Variants in EGFR observed in about 807,000 individuals in gnomAD.
EGFR encodes epidermal growth factor receptor.
A neutral mutation model predicts 143.0 loss-of-function variants in EGFR; 58 were observed. The ratio of observed to expected loss-of-function variants is 0.41; its 90% confidence interval spans 0.33 to 0.50. The LOEUF is 0.50. Among genes scored for constraint, EGFR ranks in the 20% least tolerant of loss-of-function variants. EGFR has a pLI of 0.39. For synonymous variants in EGFR, 613 were observed against 594.4 expected (o/e 1.03, Z -0.45); for missense variants, 1,307 against 1,579.0 (o/e 0.83, Z 2.92).
rs780967013 is a variant in EGFR, at chr7:55,205,393, G to A, written c.3409G>A (p.Glu1137Lys). 5.6e-6 allele frequency: 9 copies of A among 1,614,038 alleles called. No individual in the cohort carries two copies. The highest frequency in any genetic ancestry group is 1.1e-5 in the South Asian group (1 of 91,054). Reference sequence around the variant, plus strand: ...CCACAGCACTGCAGTGGGCAACCCCGAGTATCTCAACACTGTCCAGCCCAC... The same window carrying A: ...CCACAGCACTGCAGTGGGCAACCCCAAGTATCTCAACACTGTCCAGCCCAC... ...DPHSTAVGNP[E>K]YLNTVQPTCV... Residue 1137 changes from glutamate to lysine, a missense_variant, in exon 28 of 28, where the codon GAG (glutamate) becomes AAG (lysine). This residue lies in a region of EGFR where 313 missense variants were observed against 312.3 expected (regional missense o/e 1.00). Coordinates refer to ENST00000275493, the MANE Select transcript of EGFR (RefSeq NM_005228.5).
At chr7:55,196,001 T>C (rs1337155719) in intron 22 of EGFR, among the ~76,000 whole-genome samples, 1 of 152,168 alleles carries the variant, frequency 6.6e-6, no homozygotes. Context: ...TATGTCTTTA[T>C]GGTAGAATGA....
At chr7:55,163,103 T>G (rs969063152) in intron 13 of EGFR, among the ~76,000 whole-genome samples, 3 of 152,210 alleles carry the variant, frequency 2.0e-5, no homozygotes, top group Admixed American at 2.0e-4. Flanking sequence ...AGGCACACAC[T>G]TTGGAGAATA....
intron 4 of EGFR, 68 bp from the exon 5 acceptor site, chr7:55,151,226 C>A: frequency 1.3e-6 from 2 of 1,492,244 alleles, no homozygotes; most frequent in Non-Finnish European, 1.9e-6. Flanking sequence ...TAACTCAGGC[C>A]CGGGAAAGGG....
chr7:55,043,565 T>C (rs1788021309), intron 1 of EGFR, among the ~76,000 whole-genome samples: 2 of 152,308 alleles, frequency 1.3e-5, no homozygotes, highest in South Asian at 4.1e-4. Context: ...TTTTGCCATG[T>C]TGGCTAGGTT....
intron 1 of EGFR, among the ~76,000 whole-genome samples, chr7:55,125,707 A>C (rs1793483938): frequency 6.6e-6 from 1 of 152,238 alleles, no homozygotes; most frequent in Non-Finnish European, 1.5e-5. Flanking sequence ...CGTCACAGCC[A>C]GGATGAGGCA....
chr7:55,045,706 T>A (rs1788145124), intron 1 of EGFR, among the ~76,000 whole-genome samples: 1 of 152,220 alleles, frequency 6.6e-6, no homozygotes, highest in Non-Finnish European at 1.5e-5. Context: ...AAAGGTAATG[T>A]GTGAAAAGTG....
chr7:55,068,957 G>T (rs1297468283), intron 1 of EGFR, among the ~76,000 whole-genome samples: 1 of 152,158 alleles, frequency 6.6e-6, no homozygotes, highest in East Asian at 1.9e-4. Flanking sequence ...GGAGTAGGAG[G>T]TCTTGCTTTA....
intron 1 of EGFR, among the ~76,000 whole-genome samples, chr7:55,113,022 A>G (rs1023746418): frequency 6.6e-6 from 1 of 152,132 alleles, no homozygotes; most frequent in Non-Finnish European, 1.5e-5. Flanking sequence ...CCCTCCACAC[A>G]AGGACACTTT....
intron 22 of EGFR, among the ~76,000 whole-genome samples, chr7:55,197,611 C>A (rs1292376477): frequency 1.3e-5 from 2 of 152,152 alleles, no homozygotes; most frequent in Non-Finnish European, 2.9e-5. Context: ...ATGTTTTCAA[C>A]TTTTGCCCAT....
At chr7:55,157,517 G>C in intron 10 of EGFR, 146 bp from the exon 11 acceptor site, 1 of 750,068 alleles carries the variant, frequency 1.3e-6, no homozygotes, top group Non-Finnish European at 2.3e-6. Context: ...TACACTCAGA[G>C]AAGATGATAA....
chr7:55,156,151 G>A (rs1255398713), intron 8 of EGFR, among the ~76,000 whole-genome samples: 3 of 152,230 alleles, frequency 2.0e-5, no homozygotes, highest in Non-Finnish European at 4.4e-5. Flanking sequence ...GGGCTCTGAT[G>A]AGAACAGTCA....
At chr7:55,096,388 C>A (rs76535379) in intron 1 of EGFR, among the ~76,000 whole-genome samples, 3 of 152,322 alleles carry the variant, frequency 2.0e-5, no homozygotes, top group Non-Finnish European at 2.9e-5. Flanking sequence ...AACTTTGTGG[C>A]GGCCTGTGGA....
intron 1 of EGFR, among the ~76,000 whole-genome samples, chr7:55,125,097 G>A (rs62459765): frequency 0.071 from 10,885 of 152,264 alleles, 517 homozygotes; most frequent in Middle Eastern, 0.19. Flanking sequence ...GGATGTCCCC[G>A]CTGCTGTGCT....
chr7:55,164,595 A>T (rs962388335), intron 14 of EGFR, among the ~76,000 whole-genome samples: 2 of 152,228 alleles, frequency 1.3e-5, no homozygotes, highest in African/African-American at 2.4e-5. Flanking sequence ...TCATCTAATT[A>T]TGCTGGCTCT....
chr7:55,043,791 CA>C (rs1335790974), intron 1 of EGFR: 3 of 152,238 alleles, frequency 2.0e-5, no homozygotes, highest in African/African-American at 4.8e-5. Flanking sequence ...TTTAAAATTG[CA>C]TAAGAATGCA....
chr7:55,187,925 C>G (rs1182237193), intron 20 of EGFR, among the ~76,000 whole-genome samples: 1 of 152,130 alleles, frequency 6.6e-6, no homozygotes, highest in Non-Finnish European at 1.5e-5. Flanking sequence ...CCCTGCGGGG[C>G]CCCTCACCTT....
intron 10 of EGFR, 98 bp downstream of exon 10, chr7:55,156,930 T>A (rs1369712674): frequency 2.5e-6 from 4 of 1,582,008 alleles, no homozygotes; most frequent in Non-Finnish European, 3.4e-6. Flanking sequence ...TAAAAACATT[T>A]CTTCTGAAAT....
At chr7:55,201,593 A>T (rs2128972243) in intron 25 of EGFR, 142 bp from the exon 26 acceptor site, 1 of 1,208,878 alleles carries the variant, frequency 8.3e-7, no homozygotes, top group Non-Finnish European at 1.2e-6. Context: ...AACTAAACCT[A>T]GTTGCTCTAA....
chr7:55,113,539 C>T lies in EGFR; in HGVS notation c.89-28747C>T, dbSNP rs78624517. 4.6e-3 allele frequency among the ~76,000 whole-genome samples: 706 copies of T among 152,258 alleles called. 2 individuals carry two copies. The highest frequency in any genetic ancestry group is 0.016 in the African/African-American group (682 of 41,542). ...TGTTTTCCCCCCACAGACAAGTAAA[C>T]CACATTCTCTTCACATTCCCAATGT... On this transcript the variant is annotated intron_variant, in intron 1 of 27. Coordinates refer to ENST00000275493, the MANE Select transcript of EGFR (RefSeq NM_005228.5).
Sources: allele counts gnomAD v4.1 joint callset (sites outside exome capture counted in the v4.1 genomes callset), GRCh38; gene constraint gnomAD v4.1.1; regional missense constraint gnomAD v4.1.1; transcripts MANE v1.5; gene names NCBI Gene and HGNC (gene_info 2026-07-23, HGNC 2026-07-21).